Variants in NAPA observed in about 807,000 individuals in gnomAD.
The protein encoded by NAPA is alpha-soluble NSF attachment protein.
In NAPA, 18 loss-of-function variants were observed where a neutral mutation model predicts 48.0. That is an observed-to-expected ratio of 0.38 (90% confidence interval 0.26 to 0.56). NAPA has a LOEUF of 0.56. Among genes scored for constraint, NAPA ranks in the 20% least tolerant of loss-of-function variants. NAPA has a pLI of 0.77. For missense variants in NAPA, 315 were observed against 385.0 expected, an observed-to-expected ratio of 0.82 and a Z score of 1.52; for synonymous variants, 152 against 149.9, an observed-to-expected ratio of 1.01 and a Z score of -0.10.
chr19:47,510,307 G>A (rs963343825), intron 1 of NAPA, among the ~76,000 whole-genome samples: 1 of 152,258 alleles, frequency 6.6e-6, no homozygotes, highest in African/African-American at 2.4e-5. Context: ...CCTACAGGTA[G>A]TTCAAACAGG....
At chr19:47,495,170 T>C (rs995002868) in intron 4 of NAPA, 5 of 253,926 alleles carry the variant, frequency 2.0e-5, no homozygotes, top group South Asian at 6.1e-5. Context: ...CCAGGCTAAT[T>C]TGTTGTAGAG....
At chr19:47,495,652 A>G (rs1302834821) in intron 3 of NAPA, 56 bp from the exon 4 acceptor site, 1 of 1,564,580 alleles carries the variant, frequency 6.4e-7, no homozygotes, top group Non-Finnish European at 8.8e-7. Flanking sequence ...TTTCAGCAGA[A>G]GCTGAGGAGA....
chr19:47,503,642 T>A, intron 1 of NAPA, 140 bp from the exon 2 acceptor site: 1 of 781,682 alleles, frequency 1.3e-6, no homozygotes, highest in South Asian at 1.5e-5. Flanking sequence ...CCAGGCCTCT[T>A]GAGTCTGTGG....
At position 47,492,226 on chromosome 19, in the gene NAPA, G is replaced by A. The variant is rs1968289349; in HGVS notation, c.562-107C>T. ...AGCTGGGAGCTGGTTCATGTCCCGA[G>A]GTGAGGCCCTGTTAACCCAGGACCC... is the stretch of plus-strand genomic sequence containing the variant. On this transcript the variant is annotated intron_variant, in intron 7 of 10. Coordinates refer to ENST00000263354, the MANE Select transcript of NAPA (RefSeq NM_003827.4). The A allele has an allele frequency of 3.7e-5, 36 of 977,296 alleles. No individual in the cohort carries two copies. In the South Asian group the frequency reaches 5.2e-4, roughly 14 times the overall value. 60.5% of individuals were successfully genotyped at this position (977,296 alleles called of 1,614,324 possible).
Position 47,504,813 on chromosome 19 carries a change from C to A in NAPA, c.99-1311G>T, listed in dbSNP as rs34797936. On this transcript the variant is annotated intron_variant, in intron 1 of 10. Transcript: ENST00000263354. ...GTCCAGCAATGAATTACATCTCTAG[C>A]AATTTATCCTAAAAAAACTAATCAG... 7.9e-3 allele frequency among the ~76,000 whole-genome samples: 1,197 copies of A among 152,170 alleles called. 10 individuals are homozygous for A. The highest frequency in any genetic ancestry group is 0.027 in the African/African-American group (1,138 of 41,508).
At chr19:47,514,761 G>C in intron 1 of NAPA, 82 bp downstream of exon 1, 1 of 1,359,134 alleles carries the variant, frequency 7.4e-7, no homozygotes, top group African/African-American at 1.4e-5. Flanking sequence ...CGAGCTCTGC[G>C]TGCCCTAACC....
intron 9 of NAPA, among the ~76,000 whole-genome samples, 176 bp downstream of exon 9, chr19:47,490,612 C>T (rs1968236677): frequency 6.6e-6 from 1 of 151,380 alleles, no homozygotes; most frequent in African/African-American, 2.4e-5. Context: ...CCGAGTTGTA[C>T]TTTCTTCATC....
At chr19:47,507,855 G>C (rs1435349203) in intron 1 of NAPA, among the ~76,000 whole-genome samples, 1 of 152,214 alleles carries the variant, frequency 6.6e-6, no homozygotes, top group Non-Finnish European at 1.5e-5. Context: ...CGGAGGGCTT[G>C]TCCAAGCTTA....
In NAPA at chr19:47,493,484, T is replaced by C. The variant is rs373227978; in HGVS notation, c.352A>G (p.Thr118Ala). 4.3e-6 allele frequency: 7 copies of C among 1,613,730 alleles called. No homozygotes were observed. In the African/African-American group the frequency reaches 8.0e-5, roughly 18 times the overall value. ...IEIYTDMGRFTIAAKHHISIA... is the reference protein window; with the variant it reads ...IEIYTDMGRFAIAAKHHISIA... Reference sequence around the variant, plus strand: ...GAGATGTGGTGCTTGGCCGCAATCGTGAATCGGCCCTGGAGGGGACACAGG... The same window carrying C: ...GAGATGTGGTGCTTGGCCGCAATCGCGAATCGGCCCTGGAGGGGACACAGG... Residue 118 changes from threonine to alanine, a missense_variant, in exon 5 of 11, where the codon ACG (threonine) becomes GCG (alanine). This residue lies in a region of NAPA where 173 missense variants were observed against 213.5 expected (regional missense o/e 0.81). Transcript: ENST00000263354. The surrounding 1 kb of genome is among the most constrained non-coding windows in gnomAD (Gnocchi z 6.4).
At chr19:47,492,896 C>T (rs570688167) in intron 7 of NAPA, 65 bp downstream of exon 7, 3 of 1,522,460 alleles carry the variant, frequency 2.0e-6, no homozygotes, top group African/African-American at 2.7e-5. Context: ...GGTGCCGGGG[C>T]TTAGGAGGAG....
intron 1 of NAPA, among the ~76,000 whole-genome samples, chr19:47,507,673 C>T (rs1968719569): frequency 6.6e-6 from 1 of 152,190 alleles, no homozygotes; most frequent in South Asian, 2.1e-4. Flanking sequence ...CTGTGTCTTC[C>T]CTGTAAGCCC....
Position 47,493,485 on chromosome 19 carries a change from G to C in NAPA, c.351C>G (p.Phe117Leu), listed in dbSNP as rs976639502. 1.9e-6 allele frequency: 3 copies of C among 1,613,780 alleles called. No homozygotes were observed. The highest frequency in any genetic ancestry group is 2.5e-6 in the Non-Finnish European group (3 of 1,179,966). The change falls in exon 5 of 11, where the codon TTC (phenylalanine) becomes TTG (leucine). Residue 117 changes from phenylalanine (F) to leucine (L), a missense_variant. This residue lies in a region of NAPA where 173 missense variants were observed against 213.5 expected (regional missense o/e 0.81). Transcript: ENST00000263354. This position sits in a 1 kb window ranked among gnomAD's most constrained non-coding sequence, Gnocchi z 6.4. ...AGATGTGGTGCTTGGCCGCAATCGT[G>C]AATCGGCCCTGGAGGGGACACAGGA... ...AIEIYTDMGR[F>L]TIAAKHHISI...
intron 2 of NAPA, among the ~76,000 whole-genome samples, chr19:47,501,020 C>T (rs368780043): frequency 1.3e-5 from 2 of 152,092 alleles, no homozygotes; most frequent in East Asian, 3.9e-4. Flanking sequence ...CGGGGGAAGG[C>T]CCTGAGCCCC....
At chr19:47,491,919 G>GAGGA in intron 8 of NAPA, 96 bp downstream of exon 8, 1 of 1,082,140 alleles carries the variant, frequency 9.2e-7, no homozygotes, top group Non-Finnish European at 1.4e-6. Flanking sequence ...AGACGTGAGG[G>GAGGA]AGGAGCACGT....
chr19:47,504,389 C>A (rs1389201600), intron 1 of NAPA, among the ~76,000 whole-genome samples: 2 of 103,456 alleles, frequency 1.9e-5, no homozygotes, highest in Non-Finnish European at 3.8e-5. Flanking sequence ...CAGAGCCAGA[C>A]CTTGTCTCAA....
At chr19:47,513,705 C>T (rs1968847859) in intron 1 of NAPA, among the ~76,000 whole-genome samples, 1 of 151,748 alleles carries the variant, frequency 6.6e-6, no homozygotes, top group Non-Finnish European at 1.5e-5. Context: ...GGAATTTGAT[C>T]CCCCGTTTTG....
chr19:47,506,726 A>T lies in NAPA; in HGVS notation c.99-3224T>A, dbSNP rs1413287760. The stretch of plus-strand genomic sequence containing the variant: ...CCAGGCTAAGCACAGCCAACCCTGC[A>T]CGGGGTCAATGATTCTGTGGGGTGG... On this transcript the variant is annotated intron_variant, in intron 1 of 10. Transcript: ENST00000263354. This position sits in a 1 kb window ranked among gnomAD's most constrained non-coding sequence, Gnocchi z 4.0. The T allele has an allele frequency of 1.3e-5, 2 of 152,280 alleles. No homozygotes were observed. Among genetic ancestry groups the T allele is most frequent in the Non-Finnish European group, 2.9e-5 (2 of 68,094 alleles). The allele number at this position is 152,280 out of a possible 1,614,324, so 9.4% of individuals were successfully genotyped here.
downstream of NAPA, among the ~76,000 whole-genome samples, chr19:47,486,081 C>A (rs1229881754): frequency 6.6e-6 from 1 of 152,170 alleles, no homozygotes. Flanking sequence ...ACAGGCCGGG[C>A]CTGGTGGCTC....
chr19:47,500,889 C>T (rs773787326), intron 2 of NAPA, 140 bp from the exon 3 acceptor site: 10 of 577,984 alleles, frequency 1.7e-5, no homozygotes, highest in Admixed American at 3.9e-5. Context: ...GTGACCTGAG[C>T]GAGCCCAGAC....
Sources: allele counts gnomAD v4.1 joint callset (sites outside exome capture counted in the v4.1 genomes callset), GRCh38; gene constraint gnomAD v4.1.1; regional missense constraint gnomAD v4.1.1; non-coding constraint Gnocchi (gnomAD v3.1); transcripts MANE v1.5; gene names NCBI Gene and HGNC (gene_info 2026-07-23, HGNC 2026-07-21).